PLXNA2: variants seen among roughly 807,000 people sequenced by gnomAD.
The protein encoded by PLXNA2 is plexin A2, also known as plexin-A2.
In PLXNA2, 91 loss-of-function variants were observed where a neutral mutation model predicts 193.5. That is an observed-to-expected ratio of 0.47 (90% confidence interval 0.40 to 0.56). The LOEUF (loss-of-function observed/expected upper bound fraction) is 0.56, where lower values mean the gene tolerates loss of function less well. PLXNA2 is among the 20% of genes least tolerant of loss of function. The pLI, the probability that PLXNA2 is intolerant of heterozygous loss-of-function variation, is 0.00. For missense variants in PLXNA2, 1,995 were observed against 2,503.2 expected, an observed-to-expected ratio of 0.80 and a Z score of 4.33; for synonymous variants, 997 against 1,027.3, an observed-to-expected ratio of 0.97 and a Z score of 0.56.
At chr1:208,103,389 T>A (rs554648164) in intron 4 of PLXNA2, 142 bp from the exon 5 acceptor site, 1 of 621,224 alleles carries the variant, frequency 1.6e-6, no homozygotes, top group Middle Eastern at 4.3e-4. Context: ...ATGGCCTCAA[T>A]GTCCCCAATC....
rs145814016 is a variant in PLXNA2 at position 208,053,324 on chromosome 1, T to C, written c.2857-861A>G. ...TGGGCTAGGTTATCTCTAAAGCCCCTCTCCGCTCTGACTTGCTCCAGATTG... is the reference window on the plus strand; with the variant it reads ...TGGGCTAGGTTATCTCTAAAGCCCCCCTCCGCTCTGACTTGCTCCAGATTG... On this transcript the variant is annotated intron_variant, in intron 14 of 31. Coordinates refer to ENST00000367033, the MANE Select transcript of PLXNA2 (RefSeq NM_025179.4). Among the ~76,000 whole-genome samples the C allele has an allele frequency of 6.4e-3, 978 of 152,290 alleles. 9 individuals are homozygous for C. The highest frequency in any genetic ancestry group is 0.021 in the African/African-American group (880 of 41,538).
At chr1:208,087,105 T>C (rs1666556482) in intron 9 of PLXNA2, among the ~76,000 whole-genome samples, 1 of 151,842 alleles carries the variant, frequency 6.6e-6, no homozygotes, top group South Asian at 2.1e-4. Context: ...GAGCAGTTGT[T>C]TTTCATCTCT....
chr1:208,235,547 T>A (rs1348905219), intron 1 of PLXNA2, among the ~76,000 whole-genome samples: 1 of 152,224 alleles, frequency 6.6e-6, no homozygotes, highest in African/African-American at 2.4e-5. Context: ...CAGGAGCCAA[T>A]TCTGCCAGAG....
At chr1:208,159,845 G>C (rs1383210970) in intron 3 of PLXNA2, among the ~76,000 whole-genome samples, 1 of 152,196 alleles carries the variant, frequency 6.6e-6, no homozygotes, top group Non-Finnish European at 1.5e-5. Flanking sequence ...GGGTGAACCT[G>C]TGCTTCCAGA....
At chr1:208,195,111 G>A (rs1670317834) in intron 3 of PLXNA2, among the ~76,000 whole-genome samples, 1 of 152,204 alleles carries the variant, frequency 6.6e-6, no homozygotes, top group African/African-American at 2.4e-5. Context: ...GTGAGTGGGA[G>A]AAGGCAGAGA....
At chr1:208,222,726 G>A (rs1671378191) in intron 1 of PLXNA2, among the ~76,000 whole-genome samples, 1 of 152,152 alleles carries the variant, frequency 6.6e-6, no homozygotes, top group African/African-American at 2.4e-5. Context: ...GGAGATCTGG[G>A]TGCACATGCC....
chr1:208,089,910 A>T (rs1279840047), intron 9 of PLXNA2, among the ~76,000 whole-genome samples: 1 of 152,056 alleles, frequency 6.6e-6, no homozygotes, highest in African/African-American at 2.4e-5. Flanking sequence ...AGTAAGGGAA[A>T]CCTTACCCAA....
intron 11 of PLXNA2, 143 bp from the exon 12 acceptor site, chr1:208,079,593 A>T (rs1666268571): frequency 3.2e-6 from 2 of 632,816 alleles, no homozygotes; most frequent in Non-Finnish European, 5.4e-6. Flanking sequence ...TGCAAGAATG[A>T]CTGAGGAATT....
At chr1:208,114,947 T>A (rs1667593005) in intron 4 of PLXNA2, among the ~76,000 whole-genome samples, 1 of 152,252 alleles carries the variant, frequency 6.6e-6, no homozygotes, top group Admixed American at 6.5e-5. Context: ...AAGAGTCTCC[T>A]ATACTTACAT....
At chr1:208,168,598 T>A (rs1669383993) in intron 3 of PLXNA2, among the ~76,000 whole-genome samples, 1 of 152,140 alleles carries the variant, frequency 6.6e-6, no homozygotes, top group South Asian at 2.1e-4. Context: ...GGCATACAGC[T>A]AGCCTGGGAT....
At chr1:208,095,664 G>T (rs1304800638) in intron 8 of PLXNA2, among the ~76,000 whole-genome samples, 1 of 152,078 alleles carries the variant, frequency 6.6e-6, no homozygotes, top group Non-Finnish European at 1.5e-5. Flanking sequence ...TGGGTGACAT[G>T]TCCATACTCC....
At chr1:208,166,416 C>A (rs1368841556) in intron 3 of PLXNA2, among the ~76,000 whole-genome samples, 1 of 152,230 alleles carries the variant, frequency 6.6e-6, no homozygotes, top group Non-Finnish European at 1.5e-5. Flanking sequence ...CATTGACCTG[C>A]AGGTACTTCC....
At chr1:208,074,583 A>G (rs924865569) in intron 12 of PLXNA2, among the ~76,000 whole-genome samples, 2 of 152,210 alleles carry the variant, frequency 1.3e-5, no homozygotes, top group African/African-American at 4.8e-5. Flanking sequence ...CCTGGTTGCC[A>G]TGGAGAAGAT....
In PLXNA2 at chr1:208,024,134, A is replaced by C. The variant is rs1664270402; in HGVS notation, c.*3109T>G. The C allele has an allele frequency of 6.6e-6, 1 of 152,250 alleles. No homozygotes were observed. The highest frequency in any genetic ancestry group is 1.5e-5 in the Non-Finnish European group (1 of 68,076). 9.4% of individuals were successfully genotyped at this position (152,250 alleles called of 1,614,324 possible). On this transcript the variant is annotated 3_prime_UTR_variant, in exon 32 of 32. Coordinates refer to ENST00000367033, the MANE Select transcript of PLXNA2 (RefSeq NM_025179.4). ...TGGGGTCCTCTTCCTTTTCCAGAGC[A>C]TTGTCTCTTGTGCAGATCAATGAAA...
chr1:208,212,255 A>G (rs1670985322), intron 2 of PLXNA2, among the ~76,000 whole-genome samples: 1 of 152,122 alleles, frequency 6.6e-6, no homozygotes, highest in Non-Finnish European at 1.5e-5. Context: ...ATTGGTTTAT[A>G]AGTTATGGCA....
chr1:208,191,780 G>A (rs1670188952), intron 3 of PLXNA2, among the ~76,000 whole-genome samples: 1 of 152,176 alleles, frequency 6.6e-6, no homozygotes, highest in Admixed American at 6.5e-5. Flanking sequence ...ACATAATTGG[G>A]GTGCTATGAA....
In PLXNA2 at chr1:208,044,813, T is replaced by C; in HGVS notation, c.3640-71A>G. 7.9e-7 allele frequency: 1 copy of C among 1,258,888 alleles called. No individual in the cohort carries two copies. The highest frequency in any genetic ancestry group is 1.1e-6 in the Non-Finnish European group (1 of 882,552). The allele number at this position is 1,258,888 out of a possible 1,614,324, so 78.0% of individuals were successfully genotyped here. A position where few individuals can be genotyped will look rare whatever the true frequency, so the allele number is the denominator to read the frequency against. On this transcript the variant is annotated intron_variant, in intron 19 of 31. Coordinates refer to ENST00000367033, the MANE Select transcript of PLXNA2 (RefSeq NM_025179.4). The surrounding 1 kb of genome is among the most constrained non-coding windows in gnomAD (Gnocchi z 4.9). ...AGAGCCCGGGCATGCCAGCAGATCC[T>C]TACAGTGCGAGGAAGGACATGACAG...
At chr1:208,229,053 T>C (rs1572056709) in intron 1 of PLXNA2, among the ~76,000 whole-genome samples, 1 of 152,182 alleles carries the variant, frequency 6.6e-6, no homozygotes, top group Middle Eastern at 3.2e-3. Context: ...GAGGAGAAGA[T>C]GCTGAGATAC....
intron 3 of PLXNA2, among the ~76,000 whole-genome samples, chr1:208,202,523 G>A (rs573096853): frequency 1.3e-4 from 20 of 152,132 alleles, no homozygotes; most frequent in Admixed American, 2.6e-4. Flanking sequence ...TCTTTGTTAT[G>A]CAAATTGGTC....
Sources: gnomAD v4.1 joint callset for allele counts (sites outside exome capture counted in the v4.1 genomes callset) on GRCh38, gnomAD v4.1.1 for gene constraint, Gnocchi (gnomAD v3.1) non-coding constraint, MANE v1.5 for transcripts, NCBI Gene and HGNC (gene_info 2026-07-23, HGNC 2026-07-21) for gene names.